The following USP6NL variants were observed in gnomAD, a reference collection of about 807,000 sequenced individuals.
The protein encoded by USP6NL is USP6 N-terminal like.
A neutral mutation model predicts 61.9 loss-of-function variants in USP6NL; 26 were observed. That is an observed-to-expected ratio of 0.42 (90% CI 0.31 to 0.58). USP6NL has a LOEUF of 0.58. Ranked by LOEUF, USP6NL falls within the 20% of genes least tolerant of loss-of-function variation. USP6NL has a pLI of 0.16. For missense variants in USP6NL, 1,114 were observed against 1,034.3 expected (o/e 1.08, Z -1.06); for synonymous variants, 432 against 390.1 (o/e 1.11, Z -1.27).
rs1201694294 is a variant in USP6NL at position 11,491,583 on chromosome 10, G to C, written c.495-703C>G. Reference sequence around the variant, plus strand: ...GCCTCTGAACCAACAGGCAAAGAAGGACGTGGCTGTGTGGGCTGGGGGGAT... The same window carrying C: ...GCCTCTGAACCAACAGGCAAAGAAGCACGTGGCTGTGTGGGCTGGGGGGAT... On this transcript the variant is annotated intron_variant, in intron 8 of 14. Coordinates refer to ENST00000609104, the MANE Select transcript of USP6NL (RefSeq NM_014688.5). This position sits in a 1 kb window ranked among gnomAD's most constrained non-coding sequence, Gnocchi z 4.7. Among the ~76,000 whole-genome samples the C allele has an allele frequency of 6.6e-6, 1 of 152,198 alleles. No homozygotes were observed. The highest frequency in any genetic ancestry group is 1.9e-4 in the East Asian group (1 of 5,198).
rs1835373964 is a variant in USP6NL at position 11,525,387 on chromosome 10, G to A, written c.154C>T (p.His52Tyr). The change falls in exon 4 of 15, where the codon CAT becomes TAT. Residue 52 changes from histidine (H) to tyrosine (Y), a missense_variant and splice_region_variant. Physicochemically the swap from His to Tyr is moderately conservative, Grantham distance 83. Coordinates refer to ENST00000609104, the MANE Select transcript of USP6NL (RefSeq NM_014688.5). The surrounding 1 kb of genome is among the most constrained non-coding windows in gnomAD (Gnocchi z 5.0). ...AAGCTTTCAATCTATGTGACTTACT[G>A]TAAAAAGCCAAATCTATCTGTGACT... ...YKVTDRFGFL[H>Y]EEELPDHNVA... 6.3e-7 allele frequency: 1 copy of A among 1,598,064 alleles called. No homozygotes were observed. The highest frequency in any genetic ancestry group is 1.2e-5 in the South Asian group (1 of 86,740).
At chr10:11,581,946 G>A (rs912237850) in intron 2 of USP6NL, among the ~76,000 whole-genome samples, 5 of 151,970 alleles carry the variant, frequency 3.3e-5, no homozygotes, top group African/African-American at 1.2e-4. Context: ...CTAATTTTTG[G>A]TGGCGGTGGT....
At position 11,562,647 on chromosome 10, in the gene USP6NL, T is replaced by C. The variant is rs1350656982; in HGVS notation, c.4+34984A>G. 2.0e-6 allele frequency: 2 copies of C among 985,348 alleles called. No homozygotes were observed. The highest frequency in any genetic ancestry group is 6.1e-5 in the Admixed American group (1 of 16,274). The allele number at this position is 985,348 out of a possible 1,614,324, so 61.0% of individuals were successfully genotyped here. ...CACTGAACAGTCCTCTAATTATTTG[T>C]GACACTCAACATTCATATGTTGTTA... On this transcript the variant is annotated intron_variant, in intron 2 of 14. Transcript: ENST00000609104. This position sits in a 1 kb window ranked among gnomAD's most constrained non-coding sequence, Gnocchi z 4.8.
chr10:11,560,721 T>C (rs981904754), intron 2 of USP6NL, among the ~76,000 whole-genome samples: 2 of 145,698 alleles, frequency 1.4e-5, no homozygotes, highest in South Asian at 2.1e-4. Flanking sequence ...ATATTATATA[T>C]ATATATATAT....
chr10:11,508,893 A>G (rs1389228271), intron 6 of USP6NL, among the ~76,000 whole-genome samples: 1 of 152,212 alleles, frequency 6.6e-6, no homozygotes, highest in African/African-American at 2.4e-5. Flanking sequence ...TGAGCCTGTC[A>G]CTTGAAGGAA....
chr10:11,509,559 T>C (rs1834606625), intron 6 of USP6NL, 36 bp downstream of exon 6: 2 of 1,460,408 alleles, frequency 1.4e-6, no homozygotes, highest in African/African-American at 1.4e-5. Flanking sequence ...ATTGAGTTTA[T>C]ATAGTTTCAT....
In USP6NL at chr10:11,499,427, C is replaced by A. The variant is rs12259041; in HGVS notation, c.384+1674G>T. Among the ~76,000 whole-genome samples, 68,811 of 151,902 alleles carry A rather than the reference C, an allele frequency of 0.45. 16,106 individuals carry two copies. Among genetic ancestry groups the A allele is most frequent in the Middle Eastern group, 0.56 (164 of 292 alleles). Reference sequence around the variant, plus strand: ...TAAAATATAACTGAAAATTAGAGTACTATTAGCAGGCAAGCTGGGATGAAT... The same window carrying A: ...TAAAATATAACTGAAAATTAGAGTAATATTAGCAGGCAAGCTGGGATGAAT... On this transcript the variant is annotated intron_variant, in intron 7 of 14. Transcript: ENST00000609104. The surrounding 1 kb of genome is among the most constrained non-coding windows in gnomAD (Gnocchi z 4.5).
intron 2 of USP6NL, among the ~76,000 whole-genome samples, chr10:11,580,878 T>TGGATGGAC (rs1837738010): frequency 6.8e-6 from 1 of 146,836 alleles, no homozygotes; most frequent in Non-Finnish European, 1.5e-5. Context: ...GATGGATGGA[T>TGGATGGAC]GGATGGATGG....
chr10:11,596,156 T>C lies in USP6NL; in HGVS notation c.4+1475A>G, dbSNP rs1838320536. 6.6e-6 allele frequency among the ~76,000 whole-genome samples: 1 copy of C among 152,162 alleles called. No homozygotes were observed. The highest frequency in any genetic ancestry group is 1.5e-5 in the Non-Finnish European group (1 of 68,024). ...CACTGATCCTAACAGAACCCAAAAA[T>C]TGCAAAGTAGAAGAAAATTTATTTC... On this transcript the variant is annotated intron_variant, in intron 2 of 14. Coordinates refer to ENST00000609104, the MANE Select transcript of USP6NL (RefSeq NM_014688.5). This position sits in a 1 kb window ranked among gnomAD's most constrained non-coding sequence, Gnocchi z 4.1.
At chr10:11,494,585 G>A (rs1162654712) in intron 7 of USP6NL, among the ~76,000 whole-genome samples, 27 of 152,224 alleles carry the variant, frequency 1.8e-4, no homozygotes, top group African/African-American at 3.4e-4. Flanking sequence ...TAGTGGCCCC[G>A]AATGTCTGGC....
chr10:11,577,358 C>G (rs1308051982), intron 2 of USP6NL, among the ~76,000 whole-genome samples: 2 of 152,122 alleles, frequency 1.3e-5, no homozygotes, highest in Non-Finnish European at 2.9e-5. Flanking sequence ...GCCACCACGC[C>G]CAGCCTAGAA....
intron 14 of USP6NL, among the ~76,000 whole-genome samples, chr10:11,473,050 C>G (rs762334030): frequency 9.2e-5 from 14 of 152,150 alleles, no homozygotes; most frequent in Non-Finnish European, 1.8e-4. Context: ...AAAACCCACT[C>G]CAATCCTCAA....
intron 2 of USP6NL, among the ~76,000 whole-genome samples, chr10:11,530,948 G>A (rs1182842904): frequency 6.6e-6 from 1 of 152,148 alleles, no homozygotes; most frequent in Non-Finnish European, 1.5e-5. Flanking sequence ...CCAACCGTGT[G>A]CCCCAAAACA....
chr10:11,490,298 A>C lies in USP6NL; in HGVS notation c.543+534T>G, dbSNP rs571217453. Reference sequence around the variant, plus strand: ...AGTCCAACACAAATTAATCTATCCCAGATTATCTTCTCCCCCAACAATGCT... The same window carrying C: ...AGTCCAACACAAATTAATCTATCCCCGATTATCTTCTCCCCCAACAATGCT... On this transcript the variant is annotated intron_variant, in intron 9 of 14. Transcript: ENST00000609104. The surrounding 1 kb of genome is among the most constrained non-coding windows in gnomAD (Gnocchi z 4.5). Among the ~76,000 whole-genome samples, 11 of 152,326 alleles carry C rather than the reference A, an allele frequency of 7.2e-5. No homozygotes were observed. The South Asian group carries it at 8.3e-4, about 11-fold the overall frequency.
rs530378295 is a variant in USP6NL, at chr10:11,600,619, T to A, written c.-83-2902A>T. Among the ~76,000 whole-genome samples, 1 of 152,212 alleles carries A rather than the reference T, an allele frequency of 6.6e-6. No individual in the cohort carries two copies. The highest frequency in any genetic ancestry group is 2.4e-5 in the African/African-American group (1 of 41,450). ...GACTATTTTAAAAGTCTAGCCATAT[T>A]TCATAAGAAATACACCTAAATCAGC... On this transcript the variant is annotated intron_variant, in intron 1 of 14. Coordinates refer to ENST00000609104, the MANE Select transcript of USP6NL (RefSeq NM_014688.5). The surrounding 1 kb of genome is among the most constrained non-coding windows in gnomAD (Gnocchi z 4.1).
chr10:11,602,915 C>G lies in USP6NL; in HGVS notation c.-83-5198G>C, dbSNP rs1159831949. Among the ~76,000 whole-genome samples the G allele has an allele frequency of 6.6e-6, 1 of 152,184 alleles. No individual in the cohort carries two copies. The highest frequency in any genetic ancestry group is 1.5e-5 in the Non-Finnish European group (1 of 68,034). Reference sequence around the variant, plus strand: ...TAACAGAGAAAGTCTCAACACTGTACTTTCACAGTTCTTATGCTTTCCCTA... The same window carrying G: ...TAACAGAGAAAGTCTCAACACTGTAGTTTCACAGTTCTTATGCTTTCCCTA... On this transcript the variant is annotated intron_variant, in intron 1 of 14. Coordinates refer to ENST00000609104, the MANE Select transcript of USP6NL (RefSeq NM_014688.5). The surrounding 1 kb of genome is among the most constrained non-coding windows in gnomAD (Gnocchi z 4.8).
rs188714278 is a variant in USP6NL at position 11,468,922 on chromosome 10, C to A, written c.1079-5073G>T. Among the ~76,000 whole-genome samples, 1 of 152,270 alleles carries A rather than the reference C, an allele frequency of 6.6e-6. No individual in the cohort carries two copies. Among genetic ancestry groups the A allele is most frequent in the East Asian group, 1.9e-4 (1 of 5,184 alleles). ...CAAAACAAAATGCAAAGGTATGTGT[C>A]ATACATACGTAGGAGATTTAATTTT... On this transcript the variant is annotated intron_variant, in intron 14 of 14. Coordinates refer to ENST00000609104, the MANE Select transcript of USP6NL (RefSeq NM_014688.5). This position sits in a 1 kb window ranked among gnomAD's most constrained non-coding sequence, Gnocchi z 4.5.
At chr10:11,522,711 C>T (rs954958252) in intron 4 of USP6NL, among the ~76,000 whole-genome samples, 2 of 152,202 alleles carry the variant, frequency 1.3e-5, no homozygotes, top group Admixed American at 1.3e-4. Context: ...TATCTTAGTA[C>T]GTATCTCAAT....
intron 2 of USP6NL, among the ~76,000 whole-genome samples, chr10:11,568,179 G>GCA (rs1566186911): frequency 6.6e-6 from 1 of 151,894 alleles, no homozygotes; most frequent in African/African-American, 2.4e-5. Flanking sequence ...GTGTGTGCGC[G>GCA]CGCGCGTGCT....
Sources: allele counts gnomAD v4.1 joint callset (sites outside exome capture counted in the v4.1 genomes callset), GRCh38; gene constraint gnomAD v4.1.1; non-coding constraint Gnocchi (gnomAD v3.1); transcripts MANE v1.5; gene names NCBI Gene and HGNC (gene_info 2026-07-23, HGNC 2026-07-21).